Variants in KIAA1210 observed in about 807,000 individuals in gnomAD.
The protein encoded by KIAA1210 is acrosomal protein KIAA1210.
Under a neutral mutation model 78.9 loss-of-function variants are expected in KIAA1210, and 48 were observed. The observed-to-expected ratio is 0.61, with a 90% CI of 0.48 to 0.77. The LOEUF (loss-of-function observed/expected upper bound fraction) is 0.77, where lower values mean the gene tolerates loss of function less well. KIAA1210 is among the 30% of genes least tolerant of loss of function. KIAA1210 has a pLI of 0.00. For missense variants in KIAA1210, 1,108 were observed against 1,100.0 expected, an observed-to-expected ratio of 1.01 and a Z score of -0.10; for synonymous variants, 406 against 404.5, an observed-to-expected ratio of 1.00 and a Z score of -0.04.
intron 2 of KIAA1210, among the ~76,000 whole-genome samples, chrX:119,145,785 A>G (rs189624695): frequency 9.5e-4 from 107 of 112,531 alleles, no homozygotes; most frequent in African/African-American, 3.4e-3. Flanking sequence ...TATAAAGTTT[A>G]TAGCAATTTG....
intron 2 of KIAA1210, among the ~76,000 whole-genome samples, chrX:119,146,751 C>A (rs1004415947): frequency 5.4e-5 from 6 of 111,312 alleles, no homozygotes; most frequent in Non-Finnish European, 9.4e-5. Flanking sequence ...ACCTGCCACT[C>A]CATTGGCACC....
intron 6 of KIAA1210, among the ~76,000 whole-genome samples, chrX:119,099,576 G>A (rs1307315868): frequency 3.6e-5 from 4 of 112,258 alleles, no homozygotes; most frequent in Non-Finnish European, 5.6e-5. Flanking sequence ...TCTGTTGTTA[G>A]GTTTAGAGTA....
chrX:119,094,064 G>A (rs1927477088), intron 7 of KIAA1210: 1 of 1,204,791 alleles, frequency 8.3e-7, no homozygotes, highest in African/African-American at 1.8e-5. Flanking sequence ...AAATACCCTG[G>A]AAATGACTGA....
At chrX:119,093,071 A>G (rs759658277) in intron 8 of KIAA1210, among the ~76,000 whole-genome samples, 1 of 111,808 alleles carries the variant, frequency 8.9e-6, no homozygotes, top group Admixed American at 9.5e-5. Flanking sequence ...ACATAAACAC[A>G]CAGAGAGATT....
intron 7 of KIAA1210, among the ~76,000 whole-genome samples, chrX:119,094,554 C>T (rs780046568): frequency 1.3e-4 from 15 of 111,912 alleles, no homozygotes; most frequent in Non-Finnish European, 2.6e-4. Context: ...GTCAGATTGG[C>T]CTGGATTCAA....
At chrX:119,133,988 A>C (rs868117724) in intron 2 of KIAA1210, among the ~76,000 whole-genome samples, 37 of 111,372 alleles carry the variant, frequency 3.3e-4, no homozygotes, top group African/African-American at 1.0e-3. Flanking sequence ...GAACATTTCA[A>C]GACCTCTTTT....
intron 11 of KIAA1210, among the ~76,000 whole-genome samples, chrX:119,082,288 T>C (rs1382487113): frequency 9.0e-6 from 1 of 111,056 alleles, no homozygotes; most frequent in East Asian, 2.8e-4. Context: ...ATAGTGCCCA[T>C]GAGGCCATTA....
intron 6 of KIAA1210, among the ~76,000 whole-genome samples, chrX:119,100,212 C>T (rs1927691771): frequency 9.2e-6 from 1 of 108,941 alleles, no homozygotes; most frequent in African/African-American, 3.4e-5. Context: ...CACCTGTAGT[C>T]CCAGCTACTC....
chrX:119,084,794 C>T (rs1001149133), intron 10 of KIAA1210, among the ~76,000 whole-genome samples: 1 of 112,263 alleles, frequency 8.9e-6, no homozygotes, highest in Admixed American at 9.4e-5. Flanking sequence ...CCTTATTTCT[C>T]AACCAATTTC....
upstream of KIAA1210, chrX:119,150,713 G>A (rs999216450): frequency 8.7e-6 from 6 of 689,058 alleles, no homozygotes; most frequent in Admixed American, 3.2e-5. Context: ...TCCCAGGAGG[G>A]CACCGCCCCC....
exon 1 of KIAA1210, chrX:119,150,470 A>C: frequency 8.3e-7 from 1 of 1,211,704 alleles, no homozygotes. Flanking sequence ...TCGACTTCCA[A>C]TCCTGGCCCC....
At chrX:119,133,900 A>G (rs375513925) in intron 2 of KIAA1210, among the ~76,000 whole-genome samples, 1 of 110,759 alleles carries the variant, frequency 9.0e-6, no homozygotes, top group Non-Finnish European at 1.9e-5. Flanking sequence ...TACATGTCAT[A>G]CTTTGTTACA....
intron 2 of KIAA1210, among the ~76,000 whole-genome samples, chrX:119,143,397 C>G (rs1211350105): frequency 1.8e-5 from 2 of 112,331 alleles, no homozygotes; most frequent in African/African-American, 6.5e-5. Context: ...CCAGCTGTCC[C>G]CAGAAAGCCT....
intron 7 of KIAA1210, among the ~76,000 whole-genome samples, chrX:119,094,762 CAG>C (rs1420088780): frequency 2.7e-5 from 3 of 111,312 alleles, no homozygotes; most frequent in African/African-American, 9.8e-5. Flanking sequence ...ATCCACATGT[CAG>C]AGAGAGAGTC....
chrX:119,116,417 T>C (rs1342975688), intron 3 of KIAA1210, 79 bp downstream of exon 3: 1 of 1,006,080 alleles, frequency 9.9e-7, no homozygotes, highest in Non-Finnish European at 1.4e-6. Flanking sequence ...CCTGGTGATT[T>C]GGCTGCCGAA....
At chrX:119,127,484 A>C (rs1175658860) in intron 1 of KIAA1210, among the ~76,000 whole-genome samples, 1 of 111,282 alleles carries the variant, frequency 9.0e-6, no homozygotes, top group African/African-American at 3.3e-5. Context: ...AATTCTTTGT[A>C]GCATACTTGC....
chrX:119,150,532 A>G, exon 1 of KIAA1210: 3 of 1,209,896 alleles, frequency 2.5e-6, no homozygotes, highest in Non-Finnish European at 3.4e-6. Context: ...CAGGAAGGAG[A>G]GAAGCGTGAA....
chrX:119,100,330 A>T (rs1362454406), intron 6 of KIAA1210, among the ~76,000 whole-genome samples: 1 of 26,847 alleles, frequency 3.7e-5, no homozygotes, highest in African/African-American at 2.8e-4. Flanking sequence ...ACTGTCTTTA[A>T]AAAAAAAAAA....
At chrX:119,108,550 T>A in intron 4 of KIAA1210, 79 bp from the exon 5 acceptor site, 1 of 1,096,534 alleles carries the variant, frequency 9.1e-7, no homozygotes. Flanking sequence ...CCAAAATAAT[T>A]ATTCTTATGG....
Sources: allele counts gnomAD v4.1 joint callset (sites outside exome capture counted in the v4.1 genomes callset), GRCh38; gene constraint gnomAD v4.1.1; transcripts MANE v1.5; gene names NCBI Gene and HGNC (gene_info 2026-07-23, HGNC 2026-07-21).